The following ADIPOR2 variants were observed in gnomAD, a reference collection of about 807,000 sequenced individuals.
ADIPOR2 encodes the protein adiponectin receptor 2.
In ADIPOR2, 18 loss-of-function variants were observed where a neutral mutation model predicts 40.9. The ratio of observed to expected loss-of-function variants is 0.44; its 90% CI spans 0.30 to 0.65. The LOEUF is 0.65. ADIPOR2 is among the 30% of genes least tolerant of loss of function. The pLI is 0.09. For missense variants in ADIPOR2, 283 were observed against 479.2 expected (o/e 0.59, Z 3.82); for synonymous variants, 165 against 166.4 (o/e 0.99, Z 0.06).
At chr12:1,757,138 A>G (rs1016292164) in intron 2 of ADIPOR2, 1 of 264,552 alleles carries the variant, frequency 3.8e-6, no homozygotes, top group Non-Finnish European at 7.1e-6. Context: ...AGGCTAGCCA[A>G]TTTGAGATTC....
chr12:1,704,015 GTTT>G (rs772767475), intron 1 of ADIPOR2, among the ~76,000 whole-genome samples: 1 of 54,526 alleles, frequency 1.8e-5, no homozygotes, highest in Non-Finnish European at 4.0e-5. Context: ...GCCCCCACCA[GTTT>G]TTTTTTTTTT....
chr12:1,749,023 C>G (rs1049578257), intron 1 of ADIPOR2, among the ~76,000 whole-genome samples: 1 of 152,206 alleles, frequency 6.6e-6, no homozygotes, highest in African/African-American at 2.4e-5. Context: ...TTGGGGCTCC[C>G]ATGGCCCCCT....
intron 1 of ADIPOR2, among the ~76,000 whole-genome samples, chr12:1,741,790 C>A (rs2094743408): frequency 1.3e-5 from 2 of 152,122 alleles, no homozygotes; most frequent in Admixed American, 1.3e-4. Context: ...AATGACTATG[C>A]ATGCAATTAA....
chr12:1,756,270 C>T (rs1018872939), intron 2 of ADIPOR2, among the ~76,000 whole-genome samples: 1 of 152,104 alleles, frequency 6.6e-6, no homozygotes, highest in Non-Finnish European at 1.5e-5. Context: ...CCTGTCTCAG[C>T]CTTCCGAGTA....
At chr12:1,704,280 G>A (rs2094657436) in intron 1 of ADIPOR2, among the ~76,000 whole-genome samples, 1 of 152,078 alleles carries the variant, frequency 6.6e-6, no homozygotes, top group African/African-American at 2.4e-5. Flanking sequence ...TGTGACCAGA[G>A]TGATATGATT....
chr12:1,712,227 C>G (rs7964003), intron 1 of ADIPOR2, among the ~76,000 whole-genome samples: 2 of 151,846 alleles, frequency 1.3e-5, no homozygotes, highest in Admixed American at 6.6e-5. Context: ...CAGTCATGCT[C>G]GATTGGTTCC....
At chr12:1,749,832 G>T (rs1011559692) in intron 1 of ADIPOR2, among the ~76,000 whole-genome samples, 38 of 119,218 alleles carry the variant, frequency 3.2e-4, no homozygotes, top group African/African-American at 1.1e-3. Flanking sequence ...TATTTGTTTA[G>T]TTTTTTTTTT....
At chr12:1,723,661 A>G in intron 1 of ADIPOR2, among the ~76,000 whole-genome samples, 1 of 150,354 alleles carries the variant, frequency 6.7e-6, no homozygotes, top group Non-Finnish European at 1.5e-5. Flanking sequence ...AAAACAAAAC[A>G]AAACAACAAC....
intron 1 of ADIPOR2, among the ~76,000 whole-genome samples, chr12:1,714,045 CCAGAGAA>C (rs1256774525): frequency 6.6e-6 from 1 of 152,036 alleles, no homozygotes; most frequent in Non-Finnish European, 1.5e-5. Context: ...GGCTTCTGGC[CCAGAGAA>C]CCTTTGTCCT....
At chr12:1,726,854 C>T (rs546662710) in intron 1 of ADIPOR2, among the ~76,000 whole-genome samples, 2 of 152,200 alleles carry the variant, frequency 1.3e-5, no homozygotes, top group African/African-American at 2.4e-5. Flanking sequence ...ATTATTGTTC[C>T]GCTTTGAATT....
chr12:1,719,959 G>T (rs373391359), intron 1 of ADIPOR2, among the ~76,000 whole-genome samples: 19 of 152,244 alleles, frequency 1.2e-4, no homozygotes, highest in East Asian at 7.7e-4. Context: ...TTACAGGCTT[G>T]AGCCACCGTG....
chr12:1,715,981 C>T (rs2094686784), intron 1 of ADIPOR2, among the ~76,000 whole-genome samples: 1 of 152,066 alleles, frequency 6.6e-6, no homozygotes, highest in African/African-American at 2.4e-5. Context: ...GGTCTCCTTC[C>T]ACACCGTAGA....
chr12:1,771,333 C>T (rs1361659601), intron 2 of ADIPOR2, among the ~76,000 whole-genome samples: 1 of 151,838 alleles, frequency 6.6e-6, no homozygotes, highest in Admixed American at 6.6e-5. Context: ...CACTGTACTC[C>T]AGGAGCCTGG....
At chr12:1,739,946 CA>C (rs1356877182) in intron 1 of ADIPOR2, among the ~76,000 whole-genome samples, 15 of 151,008 alleles carry the variant, frequency 9.9e-5, no homozygotes, top group East Asian at 1.9e-4. Context: ...ACTAAAAATA[CA>C]AAAAATTAAC....
At chr12:1,734,343 G>C (rs1054347223) in intron 1 of ADIPOR2, among the ~76,000 whole-genome samples, 55 of 152,194 alleles carry the variant, frequency 3.6e-4, no homozygotes, top group South Asian at 8.3e-4. Context: ...GTTTTGATTT[G>C]CATTTCTCTG....
chr12:1,733,312 C>A (rs1349049231), intron 1 of ADIPOR2, among the ~76,000 whole-genome samples: 1 of 152,114 alleles, frequency 6.6e-6, no homozygotes, highest in Non-Finnish European at 1.5e-5. Flanking sequence ...ATGGTACAAT[C>A]TAAATATATA....
At chr12:1,700,533 AAAG>A (rs2094648086) in intron 1 of ADIPOR2, among the ~76,000 whole-genome samples, 2 of 152,214 alleles carry the variant, frequency 1.3e-5, no homozygotes, top group Non-Finnish European at 2.9e-5. Context: ...ATATGTGTAA[AAAG>A]AAGAAATCAG....
chr12:1,744,446 G>A (rs2094750506), intron 1 of ADIPOR2, among the ~76,000 whole-genome samples: 3 of 151,704 alleles, frequency 2.0e-5, no homozygotes, highest in Non-Finnish European at 4.4e-5. Context: ...CTTTGGCTCT[G>A]TCACCCTGGC....
At chr12:1,770,337 A>ATG (rs1862471421) in intron 2 of ADIPOR2, among the ~76,000 whole-genome samples, 1 of 152,198 alleles carries the variant, frequency 6.6e-6, no homozygotes, top group Non-Finnish European at 1.5e-5. Flanking sequence ...ATTGTGTTTT[A>ATG]TGTACATATC....
Sources: allele counts gnomAD v4.1 joint callset (sites outside exome capture counted in the v4.1 genomes callset), GRCh38; gene constraint gnomAD v4.1.1; transcripts MANE v1.5; gene names NCBI Gene and HGNC (gene_info 2026-07-23, HGNC 2026-07-21).